The following ABCD3 variants were observed in gnomAD, a reference collection of about 807,000 sequenced individuals.
ABCD3 encodes ATP binding cassette subfamily D member 3, also known as ATP-binding cassette sub-family D member 3.
ABCD3 carries 41 observed loss-of-function variants against 105.5 expected under a neutral mutation model. That is an observed-to-expected ratio of 0.39 (90% confidence interval 0.30 to 0.50). The LOEUF is 0.50. ABCD3 is among the 20% of genes least tolerant of loss of function. ABCD3 has a pLI of 0.84. For missense variants in ABCD3, 622 were observed against 806.3 expected, an observed-to-expected ratio of 0.77 and a Z score of 2.77; for synonymous variants, 258 against 269.0, an observed-to-expected ratio of 0.96 and a Z score of 0.40.
At chr1:94,411,258 T>C in the ABCD3 span, among the ~76,000 whole-genome samples, 8 of 152,106 alleles carry the variant, frequency 5.3e-5, no homozygotes, top group Non-Finnish European at 1.2e-4. Flanking sequence ...ATCCAGAATA[T>C]ACAAAGAATT....
intron 1 of ABCD3, among the ~76,000 whole-genome samples, chr1:94,422,818 C>A (rs1487394107): frequency 6.6e-6 from 1 of 152,140 alleles, no homozygotes; most frequent in Non-Finnish European, 1.5e-5. Flanking sequence ...AGTGGGAAAT[C>A]AGTGGGCCAA....
intron 17 of ABCD3, 21 bp from the exon 18 acceptor site, chr1:94,498,762 T>C: frequency 6.2e-7 from 1 of 1,613,568 alleles, no homozygotes; most frequent in Non-Finnish European, 8.5e-7. Context: ...ATTGTTCTTC[T>C]CCCTTCTCTC....
At chr1:94,399,208 A>G in the ABCD3 span, among the ~76,000 whole-genome samples, 1 of 152,184 alleles carries the variant, frequency 6.6e-6, no homozygotes, top group Admixed American at 6.5e-5. Flanking sequence ...CCTTACAATA[A>G]CATTTTCAAG....
intron 2 of ABCD3, among the ~76,000 whole-genome samples, chr1:94,464,246 A>G (rs1213894013): frequency 6.6e-6 from 1 of 152,174 alleles, no homozygotes; most frequent in Non-Finnish European, 1.5e-5. Context: ...GACAGACTGT[A>G]TATTGGAAAT....
the ABCD3 span, among the ~76,000 whole-genome samples, chr1:94,412,831 T>C: frequency 6.6e-6 from 1 of 152,250 alleles, no homozygotes; most frequent in Non-Finnish European, 1.5e-5. Flanking sequence ...ATTTTGTATC[T>C]CTATGATAAG....
chr1:94,493,937 A>C lies in ABCD3; in HGVS notation c.1386+2690A>C, dbSNP rs367953209. On this transcript the variant is annotated intron_variant, in intron 16 of 22. Coordinates refer to ENST00000370214, the MANE Select transcript of ABCD3 (RefSeq NM_002858.4). The stretch of plus-strand genomic sequence containing the variant: ...GGAAGGGGAACATCACACTCTGGGG[A>C]CTGTTGTGGGGTGGGGTCCTGGGGG... 1.3e-4 allele frequency among the ~76,000 whole-genome samples: 19 copies of C among 151,980 alleles called. No homozygotes were observed. The South Asian group carries it at 1.7e-3, about 13-fold the overall frequency.
Position 94,464,765 on chromosome 1 carries a change from T to C in ABCD3, c.148-10T>C, listed in dbSNP as rs918674789. 1.2e-6 allele frequency: 2 copies of C among 1,610,190 alleles called. No individual in the cohort carries two copies. Among genetic ancestry groups the C allele is most frequent in the Non-Finnish European group, 1.7e-6 (2 of 1,176,544 alleles). ...AGCTATCTTAAAAGGGCTTCTTTTT[T>C]TTAATGCAGAAAGAGGGGAAAAAGG... On this transcript the variant is annotated splice_polypyrimidine_tract_variant and intron_variant, in intron 2 of 22. Coordinates refer to ENST00000370214, the MANE Select transcript of ABCD3 (RefSeq NM_002858.4).
chr1:94,508,796 G>T (rs1210932975), intron 21 of ABCD3, among the ~76,000 whole-genome samples: 1 of 151,806 alleles, frequency 6.6e-6, no homozygotes, highest in African/African-American at 2.4e-5. Context: ...GTTTGTTGTT[G>T]GTGTATAAGA....
intron 1 of ABCD3, among the ~76,000 whole-genome samples, chr1:94,449,880 A>T (rs1371025654): frequency 6.6e-6 from 1 of 152,216 alleles, no homozygotes. Context: ...GTGGCACCTC[A>T]ACCTCAAATG....
rs1384968739 is a variant in ABCD3, at chr1:94,464,872, A to G, written c.245A>G (p.Glu82Gly). The change falls in exon 3 of 23, where the codon GAG becomes GGG. Residue 82 changes from glutamate (E) to glycine (G), a missense_variant and splice_region_variant. Glu to Gly is a moderately conservative substitution (Grantham distance 98, BLOSUM62 -2). Coordinates refer to ENST00000370214, the MANE Select transcript of ABCD3 (RefSeq NM_002858.4). ...KIMVPRTFCK[E>G]TGYLVLIAVM... is the part of the protein sequence containing the mutation. ...ATGGTCCCTAGAACATTTTGTAAAG[A>G]GGTAAGTCTTATGAAATTATAATCT... 6.2e-7 allele frequency: 1 copy of G among 1,610,896 alleles called. No individual in the cohort carries two copies. The highest frequency in any genetic ancestry group is 8.5e-7 in the Non-Finnish European group (1 of 1,177,254).
chr1:94,511,006 T>G, intron 21 of ABCD3, among the ~76,000 whole-genome samples: 1 of 152,134 alleles, frequency 6.6e-6, no homozygotes, highest in East Asian at 1.9e-4. Context: ...AAGTTAATAA[T>G]GTTATGTGTG....
chr1:94,487,563 A>C lies in ABCD3; in HGVS notation c.919A>C (p.Ile307Leu). Residue 307 changes from isoleucine to leucine, a missense_variant, in exon 11 of 23, where the codon ATT becomes CTT. Coordinates refer to ENST00000370214, the MANE Select transcript of ABCD3 (RefSeq NM_002858.4). ...CCAGGTGGAACACCTACATAATTTC[A>C]TTTTGTTTCGGTTTTCAATGGGCTT... ...RKLVEHLHNFILFRFSMGFID... is the reference protein window; with the variant it reads ...RKLVEHLHNFLLFRFSMGFID... The C allele has an allele frequency of 6.2e-7, 1 of 1,613,566 alleles. No homozygotes were observed.
chr1:94,487,159 A>G (rs758267502), intron 10 of ABCD3, among the ~76,000 whole-genome samples: 1 of 152,190 alleles, frequency 6.6e-6, no homozygotes, highest in Non-Finnish European at 1.5e-5. Context: ...CCGGACAGCT[A>G]GTGTTTCACT....
intron 10 of ABCD3, among the ~76,000 whole-genome samples, chr1:94,485,152 ATT>A (rs1649223466): frequency 6.6e-6 from 1 of 152,204 alleles, no homozygotes; most frequent in African/African-American, 2.4e-5. Flanking sequence ...GAATATAAGC[ATT>A]GTTTCTTGTG....
At chr1:94,431,253 A>G (rs1659667988) in intron 1 of ABCD3, among the ~76,000 whole-genome samples, 1 of 152,248 alleles carries the variant, frequency 6.6e-6, no homozygotes, top group African/African-American at 2.4e-5. Flanking sequence ...AGATAAAATC[A>G]GATTTTTTCC....
the ABCD3 span, among the ~76,000 whole-genome samples, chr1:94,400,627 G>A: frequency 0.98 from 149,301 of 152,226 alleles, 73,314 homozygotes; most frequent in East Asian, 1. Flanking sequence ...CACAGGATCA[G>A]GGGATGACAC....
At position 94,473,756 on chromosome 1, in the gene ABCD3, T is replaced by G; in HGVS notation, c.336-10T>G. 1 of 1,609,922 alleles carries G rather than the reference T, an allele frequency of 6.2e-7. No individual in the cohort carries two copies. Among genetic ancestry groups the G allele is most frequent in the Non-Finnish European group, 8.5e-7 (1 of 1,176,682 alleles). On this transcript the variant is annotated splice_polypyrimidine_tract_variant and intron_variant, in intron 4 of 22. Transcript: ENST00000370214. ...TTTGCAACTAATGCATTGCATGTGG[T>G]GGTTTGCAGTGGTATCATTGGTCGT...
At chr1:94,385,425 A>G in the ABCD3 span, among the ~76,000 whole-genome samples, 18 of 152,340 alleles carry the variant, frequency 1.2e-4, no homozygotes, top group East Asian at 2.9e-3. Flanking sequence ...GGAGAGCAAA[A>G]GTGTCAAGAG....
intron 20 of ABCD3, among the ~76,000 whole-genome samples, chr1:94,505,849 A>G (rs1650325849): frequency 6.6e-6 from 1 of 152,156 alleles, no homozygotes; most frequent in Non-Finnish European, 1.5e-5. Context: ...AGAGTGCCCC[A>G]TTGGTCTTAA....
Sources: gnomAD v4.1 joint callset for allele counts (sites outside exome capture counted in the v4.1 genomes callset) on GRCh38, gnomAD v4.1.1 for gene constraint, MANE v1.5 for transcripts, NCBI Gene and HGNC (gene_info 2026-07-23, HGNC 2026-07-21) for gene names.